The following PRTFDC1 variants were observed in gnomAD, a reference collection of about 807,000 sequenced individuals.
The protein encoded by PRTFDC1 is phosphoribosyl transferase domain containing 1.
A neutral mutation model predicts 34.6 loss-of-function variants in PRTFDC1; 38 were observed. The ratio of observed to expected loss-of-function variants is 1.10; its 90% confidence interval spans 0.85 to 1.44. The LOEUF is 1.44. PRTFDC1 is among the 40% of genes most tolerant of loss of function. The probability of loss-of-function intolerance (pLI) is 0.00; values close to 1 mark genes in which losing one functional copy is unlikely to be tolerated. For synonymous variants in PRTFDC1, 93 were observed against 98.1 expected (o/e 0.95, Z 0.31); for missense variants, 270 against 283.0 (o/e 0.95, Z 0.33).
intron 3 of PRTFDC1, among the ~76,000 whole-genome samples, chr10:24,881,753 A>G (rs142778478): frequency 2.0e-3 from 296 of 151,712 alleles, no homozygotes; most frequent in African/African-American, 6.4e-3. Flanking sequence ...ATTCCTTGCA[A>G]CCCCTCTCAC....
chr10:24,912,554 AT>A (rs1310704244), intron 3 of PRTFDC1, among the ~76,000 whole-genome samples: 2 of 152,056 alleles, frequency 1.3e-5, no homozygotes, highest in Non-Finnish European at 2.9e-5. Flanking sequence ...GTAGAGTGTC[AT>A]TCAAATCCTT....
intron 3 of PRTFDC1, among the ~76,000 whole-genome samples, chr10:24,887,126 G>A (rs111250687): frequency 0.14 from 20,750 of 149,964 alleles, 1,743 homozygotes; most frequent in South Asian, 0.19. Context: ...GCCCGCCACC[G>A]CGCCCGGCTA....
chr10:24,923,983 A>G (rs888225739), intron 3 of PRTFDC1, among the ~76,000 whole-genome samples: 13 of 152,238 alleles, frequency 8.5e-5, no homozygotes, highest in African/African-American at 3.1e-4. Flanking sequence ...TGAAAACCAC[A>G]GTACGAGAAC....
At chr10:24,872,807 T>TATATATATA (rs1491555567) in intron 3 of PRTFDC1, among the ~76,000 whole-genome samples, 59 of 83,324 alleles carry the variant, frequency 7.1e-4, no homozygotes, top group African/African-American at 4.2e-3. Context: ...TATATATATA[T>TATATATATA]TTTTTTTTTT....
At position 24,869,680 on chromosome 10, in the gene PRTFDC1, CT is replaced by C. The variant is rs537970547; in HGVS notation, c.405+2317del. ...TAAAAGCTAAGTGAAATTTTTTTCA[CT>C]GTTCCACCTCAGCTGTGTTGCATTC... On this transcript the variant is annotated intron_variant, in intron 4 of 8. Coordinates refer to ENST00000320152, the MANE Select transcript of PRTFDC1 (RefSeq NM_020200.7). Among the ~76,000 whole-genome samples the C allele has an allele frequency of 1.9e-3, 285 of 152,326 alleles. 5 individuals carry two copies. The highest frequency in any genetic ancestry group is 6.8e-3 in the Middle Eastern group (2 of 294).
At chr10:24,882,204 CAAAAA>C (rs10651020) in intron 3 of PRTFDC1, among the ~76,000 whole-genome samples, 1 of 107,530 alleles carries the variant, frequency 9.3e-6, no homozygotes, top group African/African-American at 3.8e-5. Flanking sequence ...GGATCTGCCT[CAAAAA>C]AAAAAAAAAA....
intron 3 of PRTFDC1, among the ~76,000 whole-genome samples, chr10:24,872,806 ATTTTTTTT>A (rs66588467): frequency 3.4e-5 from 4 of 117,650 alleles, no homozygotes; most frequent in Admixed American, 2.0e-4. Flanking sequence ...ATATATATAT[ATTTTTTTT>A]TTTTTTTTTT....
rs766301678 is a variant in PRTFDC1, at chr10:24,937,386, A to T, written c.156-19T>A. The T allele has an allele frequency of 3.1e-6, 5 of 1,597,248 alleles. No individual in the cohort carries two copies. Among genetic ancestry groups the T allele is most frequent in the Non-Finnish European group, 4.3e-6 (5 of 1,171,338 alleles). On this transcript the variant is annotated intron_variant, in intron 2 of 8. Coordinates refer to ENST00000320152, the MANE Select transcript of PRTFDC1 (RefSeq NM_020200.7). ...CTCAATTCTGAAAGAAGGATAAAAG[A>T]TATATTAAGGCACAACTACTTCTGA...
intron 3 of PRTFDC1, among the ~76,000 whole-genome samples, chr10:24,925,434 C>T (rs1011349213): frequency 3.3e-5 from 5 of 152,076 alleles, no homozygotes; most frequent in African/African-American, 1.2e-4. Flanking sequence ...AACAAACCTG[C>T]ACATTGTGCA....
At chr10:24,869,675 T>G (rs1847843063) in intron 4 of PRTFDC1, among the ~76,000 whole-genome samples, 1 of 152,220 alleles carries the variant, frequency 6.6e-6, no homozygotes, top group Admixed American at 6.5e-5. Context: ...GTGAAATTTT[T>G]TTCACTGTTC....
intron 4 of PRTFDC1, among the ~76,000 whole-genome samples, chr10:24,871,571 C>T (rs78659823): frequency 0.022 from 3,311 of 151,788 alleles, 90 homozygotes; most frequent in East Asian, 0.13. Context: ...CTTTTCTCTT[C>T]CCTCCCCAGA....
chr10:24,946,332 T>C (rs1488154023), intron 1 of PRTFDC1, among the ~76,000 whole-genome samples: 1 of 152,108 alleles, frequency 6.6e-6, no homozygotes, highest in Non-Finnish European at 1.5e-5. Flanking sequence ...ATAAGGATAA[T>C]GTACTTAGAA....
At chr10:24,913,505 C>T (rs552567603) in intron 3 of PRTFDC1, among the ~76,000 whole-genome samples, 1 of 152,092 alleles carries the variant, frequency 6.6e-6, no homozygotes, top group Admixed American at 6.6e-5. Context: ...TTCTTTGTCC[C>T]AGAGAATTGG....
Position 24,895,688 on chromosome 10 carries a change from G to GATATATAT in PRTFDC1, c.340-23633_340-23626dup, listed in dbSNP as rs762084915. Among the ~76,000 whole-genome samples, 243 of 47,382 alleles carry GATATATAT rather than the reference G, an allele frequency of 5.1e-3. 2 individuals are homozygous for GATATATAT. The highest frequency in any genetic ancestry group is 6.5e-3 in the Non-Finnish European group (156 of 23,840). The allele number at this position is 47,382 out of a possible 152,430, so 31.1% of individuals were successfully genotyped here. On this transcript the variant is annotated intron_variant, in intron 3 of 8. Transcript: ENST00000320152. ...ACCTAGGAGGGCAAGAGCTGGGGTG[G>GATATATAT]ATATATATATATATATATATATATA... is the stretch of plus-strand genomic sequence containing the variant.
chr10:24,894,672 T>C (rs1007579328), intron 3 of PRTFDC1, among the ~76,000 whole-genome samples: 1 of 152,186 alleles, frequency 6.6e-6, no homozygotes, highest in Non-Finnish European at 1.5e-5. Context: ...TTTGAGGTTT[T>C]ATGGAAGACA....
At position 24,851,435 on chromosome 10, in the gene PRTFDC1, C is replaced by G; in HGVS notation, c.583G>C (p.Val195Leu). 1 of 1,609,680 alleles carries G rather than the reference C, an allele frequency of 6.2e-7. No individual in the cohort carries two copies. Among genetic ancestry groups the G allele is most frequent in the Non-Finnish European group, 8.5e-7 (1 of 1,178,904 alleles). Residue 195 changes from valine (V) to leucine (L), a missense_variant, in exon 8 of 9, where the codon GTG becomes CTG. Physicochemically the swap from Val to Leu is conservative, Grantham distance 32. Transcript: ENST00000320152. Reference sequence around the variant, plus strand: ...TTGTAATCTAAGGCATATCCCACCACAAATAAGTTTGGAATCTCAAATCCA... The same window carrying G: ...TTGTAATCTAAGGCATATCCCACCAGAAATAAGTTTGGAATCTCAAATCCA... ...YAGFEIPNLF[V>L]VGYALDYNEY...
At chr10:24,938,263 T>G (rs1588624056) in intron 2 of PRTFDC1, among the ~76,000 whole-genome samples, 1 of 150,464 alleles carries the variant, frequency 6.6e-6, no homozygotes, top group African/African-American at 2.4e-5. Flanking sequence ...TCCAACATGA[T>G]GAAGTAAGGA....
chr10:24,948,779 T>C (rs766513153), intron 1 of PRTFDC1, among the ~76,000 whole-genome samples: 4 of 152,188 alleles, frequency 2.6e-5, no homozygotes. Context: ...TTGTAGCTCC[T>C]TCACCAGCCT....
At chr10:24,872,522 A>G (rs1054729601) in intron 3 of PRTFDC1, among the ~76,000 whole-genome samples, 1 of 151,136 alleles carries the variant, frequency 6.6e-6, no homozygotes, top group Non-Finnish European at 1.5e-5. Context: ...GGCCTCCTCT[A>G]CTCCCCGCCA....
Sources: allele counts gnomAD v4.1 joint callset (sites outside exome capture counted in the v4.1 genomes callset), GRCh38; gene constraint gnomAD v4.1.1; transcripts MANE v1.5; gene names NCBI Gene and HGNC (gene_info 2026-07-23, HGNC 2026-07-21).